OVGP1: variants seen among roughly 807,000 people sequenced by gnomAD.
OVGP1 encodes oviductal glycoprotein 1.
OVGP1 carries 26 observed loss-of-function variants against 48.2 expected under a neutral mutation model. The ratio of observed to expected loss-of-function variants is 0.54; its 90% CI spans 0.40 to 0.75. The LOEUF (loss-of-function observed/expected upper bound fraction) is 0.75. Ranked by LOEUF, OVGP1 falls within the 30% of genes least tolerant of loss-of-function variation. The pLI is 0.00. For synonymous variants in OVGP1, 294 were observed against 305.7 expected, an observed-to-expected ratio of 0.96 and a Z score of 0.40; for missense variants, 791 against 820.6, an observed-to-expected ratio of 0.96 and a Z score of 0.44.
chr1:111,422,825 C>A, intron 6 of OVGP1, 102 bp downstream of exon 6: 4 of 1,396,614 alleles, frequency 2.9e-6, no homozygotes, highest in Non-Finnish European at 4.0e-6. Flanking sequence ...AGGGCAGGCA[C>A]ACGGTGAGCT....
chr1:111,422,970 G>A lies in OVGP1; in HGVS notation c.565C>T (p.Pro189Ser), dbSNP rs776536275. ...LLLSAAVSGVPHIVQTSYDVR... is the reference protein window; with the variant it reads ...LLLSAAVSGVSHIVQTSYDVR... The stretch of plus-strand genomic sequence containing the variant: ...TCATAGGATGTTTGGACGATGTGTG[G>A]GACCCCAGAAACAGCAGCAGACAGC... The change falls in exon 6 of 11, where the codon CCA becomes TCA. Residue 189 changes from proline to serine, a missense_variant. Physicochemically the swap from Pro to Ser is moderately conservative, Grantham distance 74 (BLOSUM62 -1). Transcript: ENST00000369732. The A allele has an allele frequency of 1.2e-6, 2 of 1,614,156 alleles. No homozygotes were observed. The highest frequency in any genetic ancestry group is 1.7e-6 in the Non-Finnish European group (2 of 1,180,014).
intron 9 of OVGP1, 142 bp downstream of exon 9, chr1:111,419,468 G>A: frequency 7.7e-6 from 5 of 653,594 alleles, no homozygotes; most frequent in Admixed American, 7.1e-5. Flanking sequence ...GAACTAAAAT[G>A]TAGGCATGCC....
intron 3 of OVGP1, among the ~76,000 whole-genome samples, chr1:111,425,657 CCAA>C (rs1652381017): frequency 6.6e-6 from 1 of 152,118 alleles, no homozygotes; most frequent in Non-Finnish European, 1.5e-5. Flanking sequence ...CCATCACAGC[CCAA>C]CAACTCCAAG....
chr1:111,416,078 T>C (rs995433559), intron 10 of OVGP1, among the ~76,000 whole-genome samples: 3 of 152,210 alleles, frequency 2.0e-5, no homozygotes, highest in African/African-American at 7.2e-5. Flanking sequence ...GCTCACTTAG[T>C]TCTTATAATA....
intron 2 of OVGP1, 154 bp downstream of exon 2, chr1:111,426,908 G>A: frequency 6.5e-7 from 1 of 1,548,822 alleles, no homozygotes; most frequent in Non-Finnish European, 8.7e-7. Flanking sequence ...GACACAAACA[G>A]CAGGTGACCA....
Position 111,416,248 on chromosome 1 carries a change from G to T in OVGP1, c.1156+75C>A, listed in dbSNP as rs942011340. On this transcript the variant is annotated intron_variant, in intron 10 of 10. Transcript: ENST00000369732. ...TCATGTTGCCTCACCAAGGCATTTA[G>T]ATCTAGCAGAAGGGCCTTACCCAGT... 6 of 1,391,478 alleles carry T rather than the reference G, an allele frequency of 4.3e-6. No homozygotes were observed. In the African/African-American group the frequency reaches 8.7e-5, roughly 20 times the overall value. The allele number at this position is 1,391,478 out of a possible 1,614,324, so 86.2% of individuals were successfully genotyped here.
At chr1:111,422,361 A>G (rs993179226) in intron 6 of OVGP1, among the ~76,000 whole-genome samples, 1 of 152,210 alleles carries the variant, frequency 6.6e-6, no homozygotes, top group Non-Finnish European at 1.5e-5. Flanking sequence ...TTTGGTCTGC[A>G]TCTGCCTCAG....
intron 1 of OVGP1, 81 bp from the exon 2 acceptor site, chr1:111,427,172 C>A (rs1652420315): frequency 2.2e-5 from 36 of 1,603,388 alleles, no homozygotes; most frequent in Non-Finnish European, 3.0e-5. Context: ...CTCTGATTAG[C>A]AAGGGTGCCC....
At position 111,414,887 on chromosome 1, in the gene OVGP1, CTGATGA is replaced by C. The variant is rs1557781105; in HGVS notation, c.1608_1613del (p.Ser536_Gln538delinsArg). 4 of 753,736 alleles carry C rather than the reference CTGATGA, an allele frequency of 5.3e-6. No individual in the cohort carries two copies. Among genetic ancestry groups the C allele is most frequent in the Admixed American group, 5.5e-5 (2 of 36,164 alleles). 46.7% of individuals were successfully genotyped at this position (753,736 alleles called of 1,614,324 possible). A position where few individuals can be genotyped will look rare whatever the true frequency, so the allele number is the denominator to read the frequency against. ...TAGTCGTTCCTCCAGGGCTCACAGA[CTGATGA>C]CTCACAGGGGTCACAGACTGATGAC... On this transcript the variant is annotated inframe_deletion, in exon 11 of 11. Transcript: ENST00000369732.
intron 9 of OVGP1, among the ~76,000 whole-genome samples, chr1:111,417,733 A>C (rs886647839): frequency 6.6e-6 from 1 of 152,332 alleles, no homozygotes; most frequent in Admixed American, 6.5e-5. Flanking sequence ...AAACAAAACA[A>C]AATAGCCAGA....
In OVGP1 at chr1:111,414,521, A is replaced by T; in HGVS notation, c.1980T>A (p.Ser660Arg). The change falls in exon 11 of 11, where the codon AGT becomes AGA. Residue 660 changes from serine to arginine, a missense_variant. Coordinates refer to ENST00000369732, the MANE Select transcript of OVGP1 (RefSeq NM_002557.4). The part of the protein sequence containing the change: ...SSVNSVTPQT[S>R]PLSLKKEIPE... ...GGATTTCTTTTTTTAGAGAAAGAGG[A>T]CTTGTTTGAGGGGTTACTGAGTTGA... The T allele has an allele frequency of 1.2e-6, 2 of 1,613,996 alleles. No homozygotes were observed. Among genetic ancestry groups the T allele is most frequent in the Non-Finnish European group, 1.7e-6 (2 of 1,179,914 alleles).
chr1:111,427,626 G>C, intron 1 of OVGP1, 71 bp downstream of exon 1: 1 of 1,559,518 alleles, frequency 6.4e-7, no homozygotes, highest in Non-Finnish European at 8.8e-7. Flanking sequence ...TCAGGCACCA[G>C]AGAGATGACG....
intron 7 of OVGP1, 32 bp from the exon 8 acceptor site, chr1:111,421,493 G>C: frequency 6.2e-7 from 1 of 1,608,668 alleles, no homozygotes; most frequent in Non-Finnish European, 8.5e-7. Context: ...ACTCCTCCTT[G>C]TTACTAAGAG....
At chr1:111,425,694 G>A (rs1264888) in intron 3 of OVGP1, among the ~76,000 whole-genome samples, 68,393 of 152,002 alleles carry the variant, frequency 0.45, 16,056 homozygotes, top group East Asian at 0.74. Flanking sequence ...TGCCAAACTC[G>A]CGCATGTCCC....
chr1:111,423,756 C>G lies in OVGP1; in HGVS notation c.318-48G>C, dbSNP rs368842584. 2.4e-4 allele frequency: 379 copies of G among 1,571,096 alleles called. No homozygotes were observed. In the African/African-American group the frequency reaches 4.7e-3, roughly 20 times the overall value. ...GCAAAGAACTCTATCCACAGAATCA[C>G]AACCTCCTACAAGGCCCCTTGCAAG... On this transcript the variant is annotated intron_variant, in intron 4 of 10. Transcript: ENST00000369732.
chr1:111,423,099 C>T (rs755558798), intron 5 of OVGP1, 48 bp from the exon 6 acceptor site: 18 of 1,610,358 alleles, frequency 1.1e-5, no homozygotes, highest in South Asian at 4.4e-5. Context: ...AACAGAGAGG[C>T]GGGGCCTGGG....
In OVGP1 at chr1:111,414,519, G is replaced by C. The variant is rs1350981448; in HGVS notation, c.1982C>G (p.Pro661Arg). 5.6e-6 allele frequency: 9 copies of C among 1,613,908 alleles called. No homozygotes were observed. Among genetic ancestry groups the C allele is most frequent in the East Asian group, 2.2e-5 (1 of 44,886 alleles). Residue 661 changes from proline to arginine, a missense_variant, in exon 11 of 11, where the codon CCT becomes CGT. Pro to Arg is a moderately radical substitution (Grantham distance 103, BLOSUM62 -2). Coordinates refer to ENST00000369732, the MANE Select transcript of OVGP1 (RefSeq NM_002557.4). ...SVNSVTPQTS[P>R]LSLKKEIPEN... Reference sequence around the variant, plus strand: ...TGGGATTTCTTTTTTTAGAGAAAGAGGACTTGTTTGAGGGGTTACTGAGTT... The same window carrying C: ...TGGGATTTCTTTTTTTAGAGAAAGACGACTTGTTTGAGGGGTTACTGAGTT...
At chr1:111,426,334 C>T in intron 3 of OVGP1, 103 bp downstream of exon 3, 2 of 1,527,778 alleles carry the variant, frequency 1.3e-6, no homozygotes. Context: ...GAAGGTAGGA[C>T]TGGAAGAAAT....
At chr1:111,415,424 A>G in intron 10 of OVGP1, 80 bp from the exon 11 acceptor site, 6 of 1,315,632 alleles carry the variant, frequency 4.6e-6, no homozygotes, top group Non-Finnish European at 5.2e-6. Context: ...ACTAGAACCA[A>G]TCCAGGGCTG....
Sources: allele counts gnomAD v4.1 joint callset (sites outside exome capture counted in the v4.1 genomes callset), GRCh38; gene constraint gnomAD v4.1.1; transcripts MANE v1.5; gene names NCBI Gene and HGNC (gene_info 2026-07-23, HGNC 2026-07-21).